Variants in VPS13B observed in about 807,000 individuals in gnomAD.
VPS13B encodes the protein intermembrane lipid transfer protein VPS13B.
In VPS13B, 285 loss-of-function variants were observed where a neutral mutation model predicts 426.4. That is an observed-to-expected ratio of 0.67 (90% CI 0.61 to 0.74). The LOEUF (loss-of-function observed/expected upper bound fraction) is 0.74, where lower values mean the gene tolerates loss of function less well. Among genes scored for constraint, VPS13B ranks in the 30% least tolerant of loss-of-function variants. The pLI, the probability that VPS13B is intolerant of heterozygous loss-of-function variation, is 0.00. For missense variants in VPS13B, 4,537 were observed against 4,782.6 expected (o/e 0.95, Z 1.51); for synonymous variants, 1,676 against 1,676.4 (o/e 1.00, Z 0.01).
chr8:99,694,951 T>C (rs1308621022), intron 35 of VPS13B, among the ~76,000 whole-genome samples: 1 of 151,538 alleles, frequency 6.6e-6, no homozygotes, highest in Non-Finnish European at 1.5e-5. Context: ...GAAAAAATGC[T>C]CATCATCACT....
chr8:99,199,846 C>G (rs1194618733), intron 17 of VPS13B, among the ~76,000 whole-genome samples: 1 of 151,108 alleles, frequency 6.6e-6, no homozygotes, highest in African/African-American at 2.4e-5. Context: ...TCTTTCTTTT[C>G]CTTTCCCTTC....
intron 33 of VPS13B, among the ~76,000 whole-genome samples, chr8:99,624,009 T>A (rs2631937): frequency 0.16 from 9,393 of 58,738 alleles, 351 homozygotes; most frequent in East Asian, 0.31. Flanking sequence ...ATATATATAT[T>A]TTTTTTTTTT....
intron 19 of VPS13B, among the ~76,000 whole-genome samples, chr8:99,352,267 A>G (rs568901592): frequency 2.2e-4 from 33 of 152,324 alleles, no homozygotes; most frequent in Middle Eastern, 3.4e-3. Context: ...TTTCTAATGT[A>G]TAGAGCCCTA....
intron 51 of VPS13B, 98 bp downstream of exon 51, chr8:99,824,076 C>A (rs1814529662): frequency 7.1e-7 from 1 of 1,405,530 alleles, no homozygotes; most frequent in South Asian, 1.2e-5. Flanking sequence ...AAAGCTAACC[C>A]TGAATGTAGG....
intron 22 of VPS13B, among the ~76,000 whole-genome samples, chr8:99,438,034 CTTTTTTTTT>C (rs746500253): frequency 3.3e-5 from 4 of 120,604 alleles, no homozygotes; most frequent in Admixed American, 1.8e-4. Context: ...TTCTTTTCCT[CTTTTTTTTT>C]TTTTTTTTTT....
chr8:99,303,602 G>A (rs144213471), intron 19 of VPS13B, among the ~76,000 whole-genome samples: 9 of 150,618 alleles, frequency 6.0e-5, no homozygotes, highest in African/African-American at 1.2e-4. Flanking sequence ...GTGTTTCTTC[G>A]CCTGTAGTCT....
At chr8:99,086,814 G>T (rs1418718092) in intron 3 of VPS13B, among the ~76,000 whole-genome samples, 2 of 152,142 alleles carry the variant, frequency 1.3e-5, no homozygotes, top group African/African-American at 4.8e-5. Flanking sequence ...TTGTTCCTCT[G>T]GAAGCTTTGT....
intron 20 of VPS13B, among the ~76,000 whole-genome samples, chr8:99,386,930 C>G (rs964852774): frequency 1.3e-5 from 2 of 152,126 alleles, no homozygotes; most frequent in African/African-American, 4.8e-5. Context: ...GATCACACCA[C>G]TGTACTCCAG....
At chr8:99,195,191 C>A (rs1181996476) in intron 17 of VPS13B, among the ~76,000 whole-genome samples, 2 of 152,122 alleles carry the variant, frequency 1.3e-5, no homozygotes, top group African/African-American at 4.8e-5. Context: ...CTTGCTAACA[C>A]TTATCTTTCA....
At chr8:99,464,917 CACAT>C (rs1819033160) in intron 23 of VPS13B, among the ~76,000 whole-genome samples, 1 of 152,104 alleles carries the variant, frequency 6.6e-6, no homozygotes. Flanking sequence ...GTAACAAATT[CACAT>C]ACAAAGAGAT....
At chr8:99,496,618 T>C (rs1289686273) in intron 25 of VPS13B, among the ~76,000 whole-genome samples, 1 of 151,804 alleles carries the variant, frequency 6.6e-6, no homozygotes, top group South Asian at 2.1e-4. Flanking sequence ...GCCACTGCAC[T>C]CCACCCTGGG....
chr8:99,445,578 GT>G (rs1425028095), intron 23 of VPS13B, among the ~76,000 whole-genome samples: 2 of 150,144 alleles, frequency 1.3e-5, no homozygotes, highest in Non-Finnish European at 3.0e-5. Flanking sequence ...AATCTAAAAA[GT>G]TTTCCTGTGC....
intron 17 of VPS13B, chr8:99,233,327 C>A (rs1816450952): frequency 1.3e-5 from 14 of 1,084,212 alleles, no homozygotes; most frequent in Admixed American, 1.0e-4. Flanking sequence ...TCCAGCTTCA[C>A]TTCTTCTTTG....
In VPS13B at chr8:99,746,941, T is replaced by C. The variant is rs541734005; in HGVS notation, c.7051-19833T>C. Among the ~76,000 whole-genome samples the C allele has an allele frequency of 2.6e-5, 4 of 152,226 alleles. No homozygotes were observed. In the South Asian group the frequency reaches 8.3e-4, roughly 32 times the overall value. On this transcript the variant is annotated intron_variant, in intron 39 of 61. Coordinates refer to ENST00000357162, the MANE Select transcript of VPS13B (RefSeq NM_152564.5). Reference sequence around the variant, plus strand: ...TTTAATGGACCAAAAATGTAAGATGTATGTATTTTAAGGAACACCATGACG... The same window carrying C: ...TTTAATGGACCAAAAATGTAAGATGCATGTATTTTAAGGAACACCATGACG...
chr8:99,156,554 A>G lies in VPS13B; in HGVS notation c.2019A>G (p.Ser673=). The change falls in exon 15 of 62, where the codon TCA becomes TCG. Residue 673 remains serine (S), a synonymous_variant. Coordinates refer to ENST00000357162, the MANE Select transcript of VPS13B (RefSeq NM_152564.5). ...LLPVIMGEKN[S]SNFMNTTNFQ... The stretch of plus-strand genomic sequence containing the variant: ...CGAACACTATTATTTTCTAGAACTC[A>G]AGTAACTTCATGAATACTACAAACT... 1 of 1,613,922 alleles carries G rather than the reference A, an allele frequency of 6.2e-7. No individual in the cohort carries two copies. The highest frequency in any genetic ancestry group is 8.5e-7 in the Non-Finnish European group (1 of 1,179,850).
At chr8:99,355,123 G>T (rs529588091) in intron 19 of VPS13B, among the ~76,000 whole-genome samples, 11 of 152,204 alleles carry the variant, frequency 7.2e-5, no homozygotes, top group African/African-American at 2.4e-4. Flanking sequence ...GCAAGGAAAA[G>T]GTTAAGAACT....
Position 99,267,525 on chromosome 8 carries a change from C to T in VPS13B, c.2516-6673C>T, listed in dbSNP as rs538970332. On this transcript the variant is annotated intron_variant, in intron 17 of 61. Transcript: ENST00000357162. The stretch of plus-strand genomic sequence containing the variant: ...TGGGAAGATCAAAAGATCAGGAGAT[C>T]GAGACCATCCTGGCTAACATGGAGA... Among the ~76,000 whole-genome samples the T allele has an allele frequency of 1.4e-4, 22 of 151,974 alleles. No individual in the cohort carries two copies. In the East Asian group the frequency reaches 3.7e-3, roughly 25 times the overall value.
chr8:99,739,052 G>A (rs984247964), intron 39 of VPS13B, among the ~76,000 whole-genome samples: 1 of 152,230 alleles, frequency 6.6e-6, no homozygotes, highest in African/African-American at 2.4e-5. Flanking sequence ...AGCGCAAGGG[G>A]TCAGGGAATA....
intron 23 of VPS13B, among the ~76,000 whole-genome samples, chr8:99,460,680 T>A (rs1818775706): frequency 6.6e-6 from 1 of 152,216 alleles, no homozygotes; most frequent in Non-Finnish European, 1.5e-5. Flanking sequence ...TTTGTTTCAC[T>A]TTTAGTTTTG....
Sources: allele counts gnomAD v4.1 joint callset (sites outside exome capture counted in the v4.1 genomes callset), GRCh38; gene constraint gnomAD v4.1.1; transcripts MANE v1.5; gene names NCBI Gene and HGNC (gene_info 2026-07-23, HGNC 2026-07-21).